MAGI2: variants seen among roughly 807,000 people sequenced by gnomAD.
MAGI2 encodes membrane associated guanylate kinase, WW and PDZ domain containing 2.
A neutral mutation model predicts 133.3 loss-of-function variants in MAGI2; 35 were observed. That is an observed-to-expected ratio of 0.26 (90% CI 0.20 to 0.35). The LOEUF (loss-of-function observed/expected upper bound fraction) is 0.35, where lower values mean the gene tolerates loss of function less well. MAGI2 is among the 10% of genes least tolerant of loss of function. MAGI2 has a pLI of 1.00. For synonymous variants in MAGI2, 729 were observed against 710.6 expected, an observed-to-expected ratio of 1.03 and a Z score of -0.41; for missense variants, 1,636 against 1,863.4, an observed-to-expected ratio of 0.88 and a Z score of 2.25.
chr7:78,749,956 C>A (rs1823293149), intron 2 of MAGI2, among the ~76,000 whole-genome samples: 1 of 152,062 alleles, frequency 6.6e-6, no homozygotes, highest in Admixed American at 6.6e-5. Flanking sequence ...TATAGGTATA[C>A]ACGTGCCATG....
intron 6 of MAGI2, among the ~76,000 whole-genome samples, chr7:78,416,105 G>T (rs1054685764): frequency 6.6e-6 from 1 of 152,060 alleles, no homozygotes; most frequent in Non-Finnish European, 1.5e-5. Flanking sequence ...TGACAGCGAA[G>T]GTCTGAAGCA....
chr7:79,224,519 A>T (rs1295655722), intron 1 of MAGI2, among the ~76,000 whole-genome samples: 2 of 152,066 alleles, frequency 1.3e-5, no homozygotes, highest in Non-Finnish European at 2.9e-5. Flanking sequence ...CCTGTACATA[A>T]ATGCTTATAG....
At chr7:78,896,433 A>G (rs12055933) in intron 2 of MAGI2, among the ~76,000 whole-genome samples, 9,518 of 151,652 alleles carry the variant, frequency 0.063, 400 homozygotes, top group East Asian at 0.23. Context: ...TCCTCATTGT[A>G]AAATAATATA....
intron 21 of MAGI2, among the ~76,000 whole-genome samples, chr7:78,049,751 C>T (rs945601077): frequency 3.9e-5 from 6 of 152,142 alleles, no homozygotes; most frequent in African/African-American, 7.2e-5. Flanking sequence ...TTGTAACAGA[C>T]GACATCCTGT....
In MAGI2 at chr7:78,704,148, G is replaced by C. The variant is rs528341115; in HGVS notation, c.419-76909C>G. Reference sequence around the variant, plus strand: ...TAAACAGACAACCTACAGAATGGGAGAAATATGTGCAAACTATGTATCTGA... The same window carrying C: ...TAAACAGACAACCTACAGAATGGGACAAATATGTGCAAACTATGTATCTGA... On this transcript the variant is annotated intron_variant, in intron 2 of 21. Coordinates refer to ENST00000354212, the MANE Select transcript of MAGI2 (RefSeq NM_012301.4). 2.2e-4 allele frequency among the ~76,000 whole-genome samples: 33 copies of C among 152,138 alleles called. No homozygotes were observed. The South Asian group carries it at 6.6e-3, about 31-fold the overall frequency.
chr7:79,374,897 TC>T (rs1488132964), intron 1 of MAGI2, among the ~76,000 whole-genome samples: 1 of 151,896 alleles, frequency 6.6e-6, no homozygotes, highest in Non-Finnish European at 1.5e-5. Flanking sequence ...CTCATGGGCA[TC>T]ACTACTGACT....
At chr7:78,953,247 C>T (rs1394870949) in intron 2 of MAGI2, among the ~76,000 whole-genome samples, 1 of 152,308 alleles carries the variant, frequency 6.6e-6, no homozygotes, top group East Asian at 1.9e-4. Context: ...TATTTGGCAT[C>T]TGGTATCCAT....
chr7:78,570,174 A>G (rs921218509), intron 3 of MAGI2, among the ~76,000 whole-genome samples: 1 of 152,182 alleles, frequency 6.6e-6, no homozygotes, highest in Non-Finnish European at 1.5e-5. Flanking sequence ...CTCACAGGGT[A>G]GACATATGTT....
chr7:79,280,612 C>G (rs183112745), intron 1 of MAGI2, among the ~76,000 whole-genome samples: 1 of 151,794 alleles, frequency 6.6e-6, no homozygotes, highest in African/African-American at 2.4e-5. Context: ...AAAGATGACT[C>G]AAGAAGACAC....
intron 2 of MAGI2, among the ~76,000 whole-genome samples, chr7:78,881,897 C>G (rs764043836): frequency 6.7e-6 from 1 of 149,922 alleles, no homozygotes; most frequent in Non-Finnish European, 1.5e-5. Context: ...ACTAGAAAAA[C>G]AAGAACAAAC....
At chr7:78,746,461 G>GTAGGCCTATAGGCC (rs1157076037) in intron 2 of MAGI2, among the ~76,000 whole-genome samples, 2 of 152,172 alleles carry the variant, frequency 1.3e-5, no homozygotes, top group African/African-American at 4.8e-5. Flanking sequence ...TATAGGCCCT[G>GTAGGCCTATAGGCC]AGGTTAATTT....
At chr7:79,209,728 A>T (rs1265809573) in intron 1 of MAGI2, among the ~76,000 whole-genome samples, 1 of 152,044 alleles carries the variant, frequency 6.6e-6, no homozygotes, top group Non-Finnish European at 1.5e-5. Context: ...AACTCCACAT[A>T]ATTCATATTT....
At chr7:79,249,235 T>A (rs1181691833) in intron 1 of MAGI2, among the ~76,000 whole-genome samples, 1 of 152,108 alleles carries the variant, frequency 6.6e-6, no homozygotes, top group Non-Finnish European at 1.5e-5. Flanking sequence ...AGAACAATCT[T>A]ATGATGCATC....
chr7:78,265,724 A>G (rs573120758), intron 9 of MAGI2, among the ~76,000 whole-genome samples: 2 of 152,234 alleles, frequency 1.3e-5, no homozygotes, highest in Non-Finnish European at 2.9e-5. Flanking sequence ...CCTTGCAGGA[A>G]AGAGTCATAA....
chr7:79,215,607 T>C (rs544718956), intron 1 of MAGI2, among the ~76,000 whole-genome samples: 140 of 152,084 alleles, frequency 9.2e-4, no homozygotes, highest in Non-Finnish European at 1.7e-3. Flanking sequence ...CAGAAAATCT[T>C]TGAATACACC....
chr7:78,550,019 T>C (rs903083231), intron 3 of MAGI2, among the ~76,000 whole-genome samples: 5 of 152,142 alleles, frequency 3.3e-5, no homozygotes, highest in Non-Finnish European at 7.4e-5. Flanking sequence ...TTAGTGCCTT[T>C]ACAAAAGAGG....
At chr7:78,639,074 G>T (rs1403982077) in intron 2 of MAGI2, among the ~76,000 whole-genome samples, 9 of 152,144 alleles carry the variant, frequency 5.9e-5, no homozygotes, top group Admixed American at 2.6e-4. Flanking sequence ...ACTACTCAGT[G>T]ACCTTCATCG....
At position 78,601,229 on chromosome 7, in the gene MAGI2, G is replaced by A. The variant is rs117863434; in HGVS notation, c.538+25891C>T. Among the ~76,000 whole-genome samples the A allele has an allele frequency of 2.3e-3, 353 of 152,066 alleles. 15 individuals carry two copies. The East Asian group carries it at 0.058, about 25-fold the overall frequency. On this transcript the variant is annotated intron_variant, in intron 3 of 21. Coordinates refer to ENST00000354212, the MANE Select transcript of MAGI2 (RefSeq NM_012301.4). ...TTCTAGGGACTGGAGAAACAGCAGT[G>A]AACAAAATGAACATAAATCCCTTAC...
At chr7:79,452,965 G>C in intron 1 of MAGI2, 55 bp downstream of exon 1, 5 of 1,497,962 alleles carry the variant, frequency 3.3e-6, no homozygotes, top group Non-Finnish European at 4.4e-6. Context: ...TCATTGCCCT[G>C]CGCCCCGAGC....
Sources: allele counts gnomAD v4.1 joint callset (sites outside exome capture counted in the v4.1 genomes callset), GRCh38; gene constraint gnomAD v4.1.1; transcripts MANE v1.5; gene names NCBI Gene and HGNC (gene_info 2026-07-23, HGNC 2026-07-21).